Variants in TRIM54 observed in about 807,000 individuals in gnomAD.
The protein encoded by TRIM54 is tripartite motif-containing protein 54.
Under a neutral mutation model 42.0 loss-of-function variants are expected in TRIM54, and 40 were observed. The ratio of observed to expected loss-of-function variants is 0.95; its 90% confidence interval spans 0.74 to 1.24. The LOEUF (loss-of-function observed/expected upper bound fraction) is 1.24. TRIM54 is among the 50% of genes most tolerant of loss of function. TRIM54 has a pLI of 0.00. For synonymous variants in TRIM54, 199 were observed against 194.9 expected, an observed-to-expected ratio of 1.02 and a Z score of -0.17; for missense variants, 485 against 480.3, an observed-to-expected ratio of 1.01 and a Z score of -0.09.
intron 1 of TRIM54, among the ~76,000 whole-genome samples, chr2:27,289,056 G>T (rs1678650061): frequency 6.6e-6 from 1 of 152,186 alleles, no homozygotes; most frequent in Non-Finnish European, 1.5e-5. Flanking sequence ...GAGACTGTCA[G>T]CTATGAAGAT....
chr2:27,306,167 TGA>T lies in TRIM54; in HGVS notation c.867-42_867-41del, dbSNP rs1280581773. The T allele has an allele frequency of 6.2e-7, 1 of 1,613,350 alleles. No individual in the cohort carries two copies. Among genetic ancestry groups the T allele is most frequent in the East Asian group, 2.2e-5 (1 of 44,870 alleles). On this transcript the variant is annotated intron_variant, in intron 6 of 8. Transcript: ENST00000380075. This position sits in a 1 kb window ranked among gnomAD's most constrained non-coding sequence, Gnocchi z 6.1. ...CTGCTCCACTGGCTGGGGTGGGGCT[TGA>T]GAGTGCTGGGGCATTGCCAGCTGAG...
chr2:27,283,770 A>ACGCACGCGCGCGCG (rs1487361341), intron 1 of TRIM54, among the ~76,000 whole-genome samples: 1,162 of 100,426 alleles, frequency 0.012, 22 homozygotes, highest in Admixed American at 0.051. Context: ...AAAGGCACAC[A>ACGCACGCGCGCGCG]CACACACACG....
At position 27,288,196 on chromosome 2, in the gene TRIM54, C is replaced by T. The variant is rs75253934; in HGVS notation, c.168+5297C>T. Among the ~76,000 whole-genome samples, 981 of 152,318 alleles carry T rather than the reference C, an allele frequency of 6.4e-3. 12 individuals are homozygous for T. Among genetic ancestry groups the T allele is most frequent in the African/African-American group, 0.022 (934 of 41,562 alleles). On this transcript the variant is annotated intron_variant, in intron 1 of 8. Transcript: ENST00000380075. ...TCCAGCATATTCTGAGTGTCTGGCT[C>T]ACAGAACTTGGATGGTCCATCATTC...
At chr2:27,305,303 T>C in intron 4 of TRIM54, 2 of 588,144 alleles carry the variant, frequency 3.4e-6, no homozygotes, top group East Asian at 2.8e-5. Context: ...GTGATGATGA[T>C]AATGATACAC....
At chr2:27,301,603 G>T (rs969134094) in intron 3 of TRIM54, among the ~76,000 whole-genome samples, 3 of 152,184 alleles carry the variant, frequency 2.0e-5, no homozygotes, top group Non-Finnish European at 4.4e-5. Context: ...ACCACCAGAG[G>T]TCGCTCTCAT....
rs1212583904 is a variant in TRIM54, at chr2:27,307,083, C to T, written c.*198C>T. On this transcript the variant is annotated 3_prime_UTR_variant, in exon 9 of 9. Transcript: ENST00000380075. This position sits in a 1 kb window ranked among gnomAD's most constrained non-coding sequence, Gnocchi z 6.9. ...GAAGGCGACCCGCCCACCATCCTGC[C>T]CTTCCCAGAACCTGAGACCGTCTGG... 4.2e-6 allele frequency: 1 copy of T among 239,638 alleles called. No homozygotes were observed. Among genetic ancestry groups the T allele is most frequent in the South Asian group, 5.9e-5 (1 of 16,908 alleles). 14.8% of individuals were successfully genotyped at this position (239,638 alleles called of 1,614,324 possible).
At position 27,304,853 on chromosome 2, in the gene TRIM54, G is replaced by A. The variant is rs2148205041; in HGVS notation, c.514-106G>A. 3.6e-6 allele frequency: 3 copies of A among 830,326 alleles called. No homozygotes were observed. In the East Asian group the frequency reaches 8.0e-5, roughly 22 times the overall value. 51.4% of individuals were successfully genotyped at this position (830,326 alleles called of 1,614,324 possible). A position where few individuals can be genotyped will look rare whatever the true frequency, so the allele number is the denominator to read the frequency against. Reference sequence around the variant, plus strand: ...AGATTGCTGTAGATGCCCTTATGGGGGGTGAGGTGGAAGGGCCAGCCCTCT... The same window carrying A: ...AGATTGCTGTAGATGCCCTTATGGGAGGTGAGGTGGAAGGGCCAGCCCTCT... On this transcript the variant is annotated intron_variant, in intron 3 of 8. Transcript: ENST00000380075.
At chr2:27,290,494 C>T (rs1416401409) in intron 1 of TRIM54, among the ~76,000 whole-genome samples, 7 of 152,018 alleles carry the variant, frequency 4.6e-5, no homozygotes, top group South Asian at 2.1e-4. Flanking sequence ...GGTGAAACCC[C>T]GTCTCTACTA....
chr2:27,305,987 C>A, intron 5 of TRIM54, 93 bp from the exon 6 acceptor site: 1 of 1,545,704 alleles, frequency 6.5e-7, no homozygotes, highest in South Asian at 1.2e-5. Context: ...CGTGCCTTCC[C>A]ACCTACCCCG....
rs547910940 is a variant in TRIM54 at position 27,289,658 on chromosome 2, G to A, written c.168+6759G>A. ...ATGTGTAAAGGATAGATAAGCATGC[G>A]GTACATAAACAGATACATCTATGAT... On this transcript the variant is annotated intron_variant, in intron 1 of 8. Transcript: ENST00000380075. 5.3e-5 allele frequency among the ~76,000 whole-genome samples: 8 copies of A among 151,770 alleles called. No individual in the cohort carries two copies. The South Asian group carries it at 1.0e-3, about 20-fold the overall frequency.
intron 3 of TRIM54, chr2:27,299,798 C>T (rs555593721): frequency 8.3e-5 from 46 of 555,592 alleles, no homozygotes; most frequent in Middle Eastern, 8.5e-4. Context: ...CTCAGCCTCC[C>T]GGGTTCAAGC....
chr2:27,286,550 C>T (rs998159207), intron 1 of TRIM54, among the ~76,000 whole-genome samples: 1 of 152,180 alleles, frequency 6.6e-6, no homozygotes, highest in Non-Finnish European at 1.5e-5. Context: ...TTTGTAAATT[C>T]TATTCACTCC....
chr2:27,292,851 A>G (rs1483825928), intron 1 of TRIM54, among the ~76,000 whole-genome samples: 2 of 152,188 alleles, frequency 1.3e-5, no homozygotes, highest in Non-Finnish European at 2.9e-5. Context: ...AGGTTTATCC[A>G]TGTTACAGAC....
chr2:27,289,932 C>T (rs1001719903), intron 1 of TRIM54, among the ~76,000 whole-genome samples: 2 of 125,886 alleles, frequency 1.6e-5, no homozygotes, highest in African/African-American at 6.1e-5. Context: ...AGTGCGGTGG[C>T]TTGATTTCGG....
intron 1 of TRIM54, among the ~76,000 whole-genome samples, chr2:27,296,537 A>G (rs1367097893): frequency 6.6e-6 from 1 of 152,158 alleles, no homozygotes; most frequent in African/African-American, 2.4e-5. Context: ...CATTCTCAAC[A>G]TGTGGCTGCC....
Position 27,305,622 on chromosome 2 carries a change from G to T in TRIM54, c.648G>T (p.Arg216Ser), listed in dbSNP as rs762233965. ...SRRQKQLLNQ[R>S]FESLCAVLEE... ...GGCAGAAGCAGTTGTTAAACCAGAG[G>T]TTTGAGAGCCTGTGCGCAGTGCTGG... is the stretch of plus-strand genomic sequence containing the variant. Residue 216 changes from arginine (R) to serine (S), a missense_variant, in exon 5 of 9, where the codon AGG becomes AGT. Physicochemically the swap from Arg to Ser is moderately radical, Grantham distance 110. Coordinates refer to ENST00000380075, the MANE Select transcript of TRIM54 (RefSeq NM_187841.3). The T allele has an allele frequency of 6.2e-7, 1 of 1,613,824 alleles. No homozygotes were observed. Among genetic ancestry groups the T allele is most frequent in the South Asian group, 1.1e-5 (1 of 91,030 alleles).
intron 2 of TRIM54, 30 bp downstream of exon 2, chr2:27,298,769 A>G (rs779328065): frequency 5.6e-6 from 9 of 1,608,638 alleles, no homozygotes; most frequent in East Asian, 2.2e-5. Context: ...TGCCTCTCTC[A>G]TGACAGGGCT....
chr2:27,307,431 A>C lies in TRIM54; in HGVS notation c.*546A>C. On this transcript the variant is annotated 3_prime_UTR_variant, in exon 9 of 9. Transcript: ENST00000380075. This position sits in a 1 kb window ranked among gnomAD's most constrained non-coding sequence, Gnocchi z 6.9. The stretch of plus-strand genomic sequence containing the variant: ...TCAGTACTTTTATTAAAAAATAGTC[A>C]CGCAGACAGTGCCCTGGTGGCTCTG... 1 of 1,568,070 alleles carries C rather than the reference A, an allele frequency of 6.4e-7. No individual in the cohort carries two copies. Among genetic ancestry groups the C allele is most frequent in the Non-Finnish European group, 8.6e-7 (1 of 1,158,866 alleles).
intron 5 of TRIM54, 116 bp downstream of exon 5, chr2:27,305,933 C>G: frequency 7.3e-7 from 1 of 1,369,284 alleles, no homozygotes; most frequent in South Asian, 1.3e-5. Context: ...CGACCTTGGG[C>G]AAGTCACCCC....
Sources: gnomAD v4.1 joint callset for allele counts (sites outside exome capture counted in the v4.1 genomes callset) on GRCh38, gnomAD v4.1.1 for gene constraint, Gnocchi (gnomAD v3.1) non-coding constraint, MANE v1.5 for transcripts, NCBI Gene and HGNC (gene_info 2026-07-23, HGNC 2026-07-21) for gene names.